Variants in OPCML observed in about 807,000 individuals in gnomAD.
OPCML encodes the protein opioid-binding protein/cell adhesion molecule.
Under a neutral mutation model 37.8 loss-of-function variants are expected in OPCML, and 13 were observed. The ratio of observed to expected loss-of-function variants is 0.34; its 90% CI spans 0.22 to 0.55. The LOEUF is 0.55. Ranked by LOEUF, OPCML falls within the 20% of genes least tolerant of loss-of-function variation. The pLI is 0.91. For missense variants in OPCML, 341 were observed against 435.6 expected (o/e 0.78, Z 1.93); for synonymous variants, 176 against 168.8 (o/e 1.04, Z -0.33).
At chr11:132,989,815 A>G (rs1415634266) in intron 1 of OPCML, among the ~76,000 whole-genome samples, 1 of 152,216 alleles carries the variant, frequency 6.6e-6, no homozygotes, top group Non-Finnish European at 1.5e-5. Context: ...CATTTGAACT[A>G]TCAAACATCT....
Position 133,140,531 on chromosome 11 carries a change from T to TAATAAGAAGAAGAAGAAGAAGAAG in OPCML, c.62-197522_62-197521insCTTCTTCTTCTTCTTCTTCTTATT, listed in dbSNP as rs1272061685. Among the ~76,000 whole-genome samples the TAATAAGAAGAAGAAGAAGAAGAAG allele has an allele frequency of 3.0e-3, 265 of 88,072 alleles. 1 individual carries two copies. The highest frequency in any genetic ancestry group is 4.5e-3 in the East Asian group (12 of 2,692). 57.8% of individuals were successfully genotyped at this position (88,072 alleles called of 152,430 possible). ...TGTCTCAAAATAATAATAATAATAA[T>TAATAAGAAGAAGAAGAAGAAGAAG]AAGAAGAAGAAGAAGAAGAAGAAGA... is the stretch of plus-strand genomic sequence containing the variant. On this transcript the variant is annotated intron_variant, in intron 1 of 7. Coordinates refer to ENST00000524381, the MANE Select transcript of OPCML (RefSeq NM_001012393.5).
Position 132,858,351 on chromosome 11 carries a change from A to G in OPCML, c.146+84575T>C, listed in dbSNP as rs1942146531. 2.0e-5 allele frequency among the ~76,000 whole-genome samples: 3 copies of G among 152,020 alleles called. No homozygotes were observed. In the South Asian group the frequency reaches 6.2e-4, roughly 32 times the overall value. ...GCCAGGGTGCCTCCTTCCTCTTTGA[A>G]ATGCCTCCACAGTTCCTCCCATCTG... On this transcript the variant is annotated intron_variant, in intron 2 of 7. Coordinates refer to ENST00000524381, the MANE Select transcript of OPCML (RefSeq NM_001012393.5).
At chr11:133,505,460 C>T (rs1407215315) in intron 1 of OPCML, among the ~76,000 whole-genome samples, 1 of 152,190 alleles carries the variant, frequency 6.6e-6, no homozygotes, top group Non-Finnish European at 1.5e-5. Flanking sequence ...GAACCTCCTA[C>T]CACCAAATGC....
intron 1 of OPCML, among the ~76,000 whole-genome samples, chr11:133,240,079 G>C (rs1940667525): frequency 6.6e-6 from 1 of 151,818 alleles, no homozygotes; most frequent in African/African-American, 2.4e-5. Context: ...TCCAACAAAA[G>C]CATTAGAATG....
intron 2 of OPCML, among the ~76,000 whole-genome samples, chr11:132,751,361 T>C (rs528293736): frequency 2.6e-5 from 4 of 152,202 alleles, no homozygotes; most frequent in Admixed American, 1.3e-4. Flanking sequence ...CAGATCCATC[T>C]ACAGCAGGGT....
At chr11:133,439,529 T>G (rs1327588978) in intron 1 of OPCML, among the ~76,000 whole-genome samples, 4 of 151,894 alleles carry the variant, frequency 2.6e-5, no homozygotes, top group South Asian at 2.1e-4. Context: ...GTGCAGTGGC[T>G]CCATCTCTGC....
intron 1 of OPCML, among the ~76,000 whole-genome samples, chr11:133,084,456 A>G (rs1591987221): frequency 6.6e-6 from 1 of 152,210 alleles, no homozygotes; most frequent in East Asian, 1.9e-4. Context: ...AGCTTCCACA[A>G]AGAAAACTTC....
chr11:132,756,332 G>A (rs953724732), intron 2 of OPCML, among the ~76,000 whole-genome samples: 2 of 152,136 alleles, frequency 1.3e-5, no homozygotes, highest in Admixed American at 6.6e-5. Context: ...AACTGAAGAC[G>A]TGGAACTAAG....
At chr11:133,377,323 A>G (rs1271403939) in intron 1 of OPCML, among the ~76,000 whole-genome samples, 1 of 152,108 alleles carries the variant, frequency 6.6e-6, no homozygotes, top group Non-Finnish European at 1.5e-5. Flanking sequence ...TCAGCTCAAG[A>G]TGTTTCCAGC....
chr11:133,140,152 A>G (rs910370111), intron 1 of OPCML, among the ~76,000 whole-genome samples: 9 of 149,932 alleles, frequency 6.0e-5, no homozygotes, highest in Non-Finnish European at 1.2e-4. Context: ...GCACCACTGC[A>G]CTACAGCCTG....
intron 1 of OPCML, among the ~76,000 whole-genome samples, chr11:133,023,053 C>T (rs1378169508): frequency 6.6e-6 from 1 of 152,178 alleles, no homozygotes; most frequent in African/African-American, 2.4e-5. Flanking sequence ...GGAAGGGGAG[C>T]AATGAAACAC....
At chr11:132,930,039 T>C (rs1175635512) in intron 2 of OPCML, among the ~76,000 whole-genome samples, 1 of 152,112 alleles carries the variant, frequency 6.6e-6, no homozygotes, top group African/African-American at 2.4e-5. Context: ...TTCTACTCAA[T>C]ATAGCACTGG....
At chr11:132,920,078 T>C (rs1022784610) in intron 2 of OPCML, among the ~76,000 whole-genome samples, 4 of 152,214 alleles carry the variant, frequency 2.6e-5, no homozygotes, top group African/African-American at 9.6e-5. Context: ...TGGTGATGAT[T>C]GCACAACCTT....
chr11:133,448,311 G>A (rs1049267628), intron 1 of OPCML, among the ~76,000 whole-genome samples: 5 of 152,080 alleles, frequency 3.3e-5, no homozygotes, highest in Non-Finnish European at 7.4e-5. Context: ...CCATTAAATT[G>A]CCTTGGTACC....
chr11:133,038,451 G>C (rs1947824622), intron 1 of OPCML, among the ~76,000 whole-genome samples: 1 of 152,140 alleles, frequency 6.6e-6, no homozygotes, highest in African/African-American at 2.4e-5. Context: ...ATGACTATCA[G>C]GAGACCATGG....
chr11:132,718,288 T>C (rs942695815), intron 2 of OPCML, among the ~76,000 whole-genome samples: 5 of 152,314 alleles, frequency 3.3e-5, no homozygotes, highest in Middle Eastern at 3.4e-3. Flanking sequence ...TCAGGTGTTA[T>C]GGTATCTGCA....
intron 2 of OPCML, among the ~76,000 whole-genome samples, chr11:132,671,682 T>C (rs1942482547): frequency 6.6e-6 from 1 of 152,138 alleles, no homozygotes; most frequent in African/African-American, 2.4e-5. Flanking sequence ...GGACTCTCTG[T>C]AGAGGAGGAT....
At chr11:133,102,642 C>T (rs1023945810) in intron 1 of OPCML, among the ~76,000 whole-genome samples, 2 of 151,984 alleles carry the variant, frequency 1.3e-5, no homozygotes, top group Admixed American at 1.3e-4. Context: ...CCCAGCTACT[C>T]AGGAGGCTGA....
At chr11:133,263,564 T>A (rs1301155351) in intron 1 of OPCML, among the ~76,000 whole-genome samples, 6 of 152,148 alleles carry the variant, frequency 3.9e-5, no homozygotes, top group Non-Finnish European at 5.9e-5. Context: ...GATGAAATTG[T>A]CCAACAGTGC....
Sources: allele counts gnomAD v4.1 joint callset (sites outside exome capture counted in the v4.1 genomes callset), GRCh38; gene constraint gnomAD v4.1.1; transcripts MANE v1.5; gene names NCBI Gene and HGNC (gene_info 2026-07-23, HGNC 2026-07-21).